CYP4F22: variants seen among roughly 807,000 people sequenced by gnomAD.
CYP4F22 encodes the protein ultra-long-chain fatty acid omega-hydroxylase.
In CYP4F22, 37 loss-of-function variants were observed where a neutral mutation model predicts 60.4. The observed-to-expected ratio is 0.61, with a 90% CI of 0.47 to 0.81. The LOEUF (loss-of-function observed/expected upper bound fraction) is 0.81. CYP4F22 is among the 30% of genes least tolerant of loss of function. The pLI is 0.00. For synonymous variants in CYP4F22, 258 were observed against 280.5 expected (o/e 0.92, Z 0.80); for missense variants, 655 against 715.0 (o/e 0.92, Z 0.96).
At chr19:15,542,890 C>T (rs1278720220) in intron 8 of CYP4F22, among the ~76,000 whole-genome samples, 1 of 152,018 alleles carries the variant, frequency 6.6e-6, no homozygotes, top group Non-Finnish European at 1.5e-5. Context: ...AATCTTGTTC[C>T]TTTTTATGGC....
intron 6 of CYP4F22, 79 bp from the exon 7 acceptor site, chr19:15,537,793 G>A: frequency 6.2e-7 from 1 of 1,610,652 alleles, no homozygotes; most frequent in South Asian, 1.1e-5. Context: ...AGCTTGTAGT[G>A]AAAACGCAGT....
In CYP4F22 at chr19:15,551,382, A is replaced by C; in HGVS notation, c.1507A>C (p.Thr503Pro). 6.2e-7 allele frequency: 1 copy of C among 1,611,324 alleles called. No homozygotes were observed. Among genetic ancestry groups the C allele is most frequent in the East Asian group, 2.2e-5 (1 of 44,728 alleles). The change falls in exon 14 of 14, where the codon ACG (threonine) becomes CCG (proline). Residue 503 changes from threonine to proline, a missense_variant. Around this residue, in one of 3 missense-constraint regions of CYP4F22, gnomAD observed 151 missense variants for 139.4 expected, o/e 1.08. Transcript: ENST00000269703. ...LLRFRLSVDR[T>P]RKVRRKPELI... ...ACGTTTCCGCCTGAGCGTGGACCGA[A>C]CGCGCAAGGTGCGGCGGAAGCCGGA...
intron 4 of CYP4F22, among the ~76,000 whole-genome samples, chr19:15,535,113 G>A (rs965319817): frequency 1.3e-5 from 2 of 152,152 alleles, no homozygotes; most frequent in African/African-American, 4.8e-5. Context: ...GAGGAGAGGA[G>A]TGACTAGACT....
intron 8 of CYP4F22, among the ~76,000 whole-genome samples, chr19:15,543,326 G>C (rs1369972677): frequency 2.0e-5 from 3 of 152,062 alleles, no homozygotes; most frequent in Non-Finnish European, 4.4e-5. Context: ...TTCACCAGTA[G>C]CTGGGACTAC....
At chr19:15,542,991 T>A (rs1016969911) in intron 8 of CYP4F22, among the ~76,000 whole-genome samples, 1 of 152,228 alleles carries the variant, frequency 6.6e-6, no homozygotes, top group African/African-American at 2.4e-5. Flanking sequence ...TCTTTGTTAT[T>A]GTCAATAGTG....
Position 15,551,723 on chromosome 19 carries a change from G to C in CYP4F22, c.*252G>C, listed in dbSNP as rs966224126. On this transcript the variant is annotated 3_prime_UTR_variant, in exon 14 of 14. Coordinates refer to ENST00000269703, the MANE Select transcript of CYP4F22 (RefSeq NM_173483.4). ...CCCCCTGACTTCTCGCACCTGTCCTGTTTGAGGGACCAGGGTCGACCCTGC... is the reference window on the plus strand; with the variant it reads ...CCCCCTGACTTCTCGCACCTGTCCTCTTTGAGGGACCAGGGTCGACCCTGC... The C allele has an allele frequency of 1.2e-5, 7 of 588,714 alleles. No homozygotes were observed. Among genetic ancestry groups the C allele is most frequent in the Non-Finnish European group, 2.1e-5 (7 of 331,794 alleles). 36.5% of individuals were successfully genotyped at this position (588,714 alleles called of 1,614,324 possible).
chr19:15,547,988 AGAGAGAGG>A lies in CYP4F22; in HGVS notation c.1137-112_1137-105del, dbSNP rs369286116. On this transcript the variant is annotated intron_variant, in intron 10 of 13. Coordinates refer to ENST00000269703, the MANE Select transcript of CYP4F22 (RefSeq NM_173483.4). ...GCCCCTGAGAGAGAGAGAGAGAGAG[AGAGAGAGG>A]GAGAGAGTGTGTGTGTGTGTGTGTG... The A allele has an allele frequency of 0.065, 28,487 of 437,444 alleles. 4,897 individuals carry two copies. Among genetic ancestry groups the A allele is most frequent in the Non-Finnish European group, 0.078 (21,949 of 283,098 alleles). The allele number at this position is 437,444 out of a possible 1,614,324, so 27.1% of individuals were successfully genotyped here.
intron 8 of CYP4F22, among the ~76,000 whole-genome samples, chr19:15,543,362 A>T (rs942966398): frequency 3.4e-5 from 5 of 148,856 alleles, no homozygotes; most frequent in African/African-American, 9.9e-5. Context: ...CACCTGGCTG[A>T]TTTTTTTTTT....
chr19:15,517,428 G>A (rs1971168943), intron 1 of CYP4F22, among the ~76,000 whole-genome samples: 1 of 152,190 alleles, frequency 6.6e-6, no homozygotes. Context: ...CCCATGTCTG[G>A]TAGGGGGACG....
chr19:15,550,753 C>T lies in CYP4F22; in HGVS notation c.1415C>T (p.Pro472Leu). Residue 472 changes from proline to leucine, a missense_variant, in exon 13 of 14, where the codon CCC becomes CTC. Pro to Leu is a moderately conservative substitution (Grantham distance 98). This residue lies in a region of CYP4F22 where 151 missense variants were observed against 139.4 expected (regional missense o/e 1.08). Coordinates refer to ENST00000269703, the MANE Select transcript of CYP4F22 (RefSeq NM_173483.4). The stretch of plus-strand genomic sequence containing the variant: ...GCCTATGTGCCCTTCTCTGCAGGAC[C>T]CAGGTAACCCCTCTATTTCCCCTAG... ...PLAYVPFSAG[P>L]RNCIGQSFAM... The T allele has an allele frequency of 6.2e-7, 1 of 1,614,176 alleles. No individual in the cohort carries two copies. Among genetic ancestry groups the T allele is most frequent in the Non-Finnish European group, 8.5e-7 (1 of 1,180,016 alleles).
In CYP4F22 at chr19:15,540,502, C is replaced by T. The variant is rs376675683; in HGVS notation, c.724C>T (p.Arg242Trp). The change falls in exon 8 of 14, where the codon CGG becomes TGG. Residue 242 changes from arginine to tryptophan, a missense_variant. Arg to Trp is a moderately radical substitution (Grantham distance 101, BLOSUM62 -3). This residue lies in a region of CYP4F22 where 430 missense variants were observed against 457.1 expected (regional missense o/e 0.94). Transcript: ENST00000269703. Reference sequence around the variant, plus strand: ...CATTGAACTGAGCGCTCTGTCTGTCCGGCGCCAGTATCGCTTGCACCACTA... The same window carrying T: ...CATTGAACTGAGCGCTCTGTCTGTCTGGCGCCAGTATCGCTTGCACCACTA... ...AIIELSALSV[R>W]RQYRLHHYLD... The T allele has an allele frequency of 9.3e-6, 15 of 1,614,154 alleles. No individual in the cohort carries two copies. Among genetic ancestry groups the T allele is most frequent in the East Asian group, 4.5e-5 (2 of 44,876 alleles).
intron 1 of CYP4F22, among the ~76,000 whole-genome samples, chr19:15,520,018 T>C (rs564565370): frequency 1.3e-5 from 2 of 152,292 alleles, no homozygotes; most frequent in East Asian, 1.9e-4. Flanking sequence ...TCTGTGTGTG[T>C]GTGCGCGTGC....
intron 1 of CYP4F22, among the ~76,000 whole-genome samples, chr19:15,511,183 C>G (rs147916688): frequency 6.6e-6 from 1 of 151,168 alleles, no homozygotes; most frequent in Non-Finnish European, 1.5e-5. Context: ...TCAGGCTGGT[C>G]TCGAACTCCC....
chr19:15,547,018 G>GTTTTTTTTTTTTTTTTTTTT lies in CYP4F22; in HGVS notation c.1137-1087_1137-1068dup, dbSNP rs71176432. Among the ~76,000 whole-genome samples, 18 of 82,326 alleles carry GTTTTTTTTTTTTTTTTTTTT rather than the reference G, an allele frequency of 2.2e-4. 4 individuals are homozygous for GTTTTTTTTTTTTTTTTTTTT. Among genetic ancestry groups the GTTTTTTTTTTTTTTTTTTTT allele is most frequent in the African/African-American group, 9.1e-4 (16 of 17,582 alleles). 54.0% of individuals were successfully genotyped at this position (82,326 alleles called of 152,430 possible). ...GAGCCACCATGCCTGGCCTGCACCA[G>GTTTTTTTTTTTTTTTTTTTT]TTTTTTTTTTTTTTTTTTTTTTAAG... On this transcript the variant is annotated intron_variant, in intron 10 of 13. Transcript: ENST00000269703.
chr19:15,515,436 T>C, intron 1 of CYP4F22: 1 of 1,087,214 alleles, frequency 9.2e-7, no homozygotes, highest in Admixed American at 1.8e-5. Context: ...AGGTGTTCAG[T>C]GCAGCTGGCC....
At chr19:15,514,143 T>C (rs1468627308) in intron 1 of CYP4F22, among the ~76,000 whole-genome samples, 2 of 152,204 alleles carry the variant, frequency 1.3e-5, no homozygotes, top group African/African-American at 2.4e-5. Context: ...AATTCCTAAA[T>C]TGTCCAATTT....
At position 15,533,591 on chromosome 19, in the gene CYP4F22, CTTTTTTTTTTT is replaced by C. The variant is rs34585637; in HGVS notation, c.367+3750_368-3748del. Among the ~76,000 whole-genome samples the C allele has an allele frequency of 7.7e-5, 7 of 91,454 alleles. No homozygotes were observed. The Admixed American group carries it at 9.4e-4, about 12-fold the overall frequency. The allele number at this position is 91,454 out of a possible 152,430, so 60.0% of individuals were successfully genotyped here. On this transcript the variant is annotated intron_variant, in intron 4 of 13. Coordinates refer to ENST00000269703, the MANE Select transcript of CYP4F22 (RefSeq NM_173483.4). ...CGTTGTAGTAGGAATCAGTTTCATT[CTTTTTTTTTTT>C]TTTTTTTTTTTGAGACAGGGTCTTA... is the stretch of plus-strand genomic sequence containing the variant.
intron 12 of CYP4F22, 105 bp downstream of exon 12, chr19:15,549,307 TC>T: frequency 9.1e-7 from 1 of 1,093,860 alleles, no homozygotes; most frequent in Non-Finnish European, 1.4e-6. Flanking sequence ...CGCACACCCC[TC>T]CCCACTCCGC....
At position 15,548,058 on chromosome 19, in the gene CYP4F22, A is replaced by AGGT. The variant is rs769974303; in HGVS notation, c.1137-45_1137-43dup. On this transcript the variant is annotated intron_variant, in intron 10 of 13. Transcript: ENST00000269703. The stretch of plus-strand genomic sequence containing the variant: ...GTGTGTGTGTGTGTGTGTTTTGGGG[A>AGGT]GGTGGTGCCATGGTGGCTCGGCCTC... 5.6e-6 allele frequency: 8 copies of AGGT among 1,437,038 alleles called. No homozygotes were observed. The East Asian group carries it at 8.1e-5, about 15-fold the overall frequency. The allele number at this position is 1,437,038 out of a possible 1,614,324, so 89.0% of individuals were successfully genotyped here.
Sources: allele counts gnomAD v4.1 joint callset (sites outside exome capture counted in the v4.1 genomes callset), GRCh38; gene constraint gnomAD v4.1.1; regional missense constraint gnomAD v4.1.1; transcripts MANE v1.5; gene names NCBI Gene and HGNC (gene_info 2026-07-23, HGNC 2026-07-21).